Variants in UBE2E2 observed in about 807,000 individuals in gnomAD.
The protein encoded by UBE2E2 is ubiquitin-conjugating enzyme E2 E2.
UBE2E2 carries 6 observed loss-of-function variants against 24.7 expected under a neutral mutation model. The ratio of observed to expected loss-of-function variants is 0.24; its 90% confidence interval spans 0.13 to 0.48. The LOEUF (loss-of-function observed/expected upper bound fraction) is 0.48. UBE2E2 is among the 20% of genes least tolerant of loss of function. The pLI, the probability that UBE2E2 is intolerant of heterozygous loss-of-function variation, is 0.99. For missense variants in UBE2E2, 169 were observed against 245.0 expected (o/e 0.69, Z 2.07); for synonymous variants, 104 against 83.6 (o/e 1.24, Z -1.33).
chr3:23,210,893 A>T (rs1367520288), intron 2 of UBE2E2, among the ~76,000 whole-genome samples: 1 of 152,190 alleles, frequency 6.6e-6, no homozygotes, highest in Non-Finnish European at 1.5e-5. Context: ...GTAATTATGT[A>T]CTATTTATTT....
chr3:23,413,521 CTAA>C (rs1424169320), intron 3 of UBE2E2, among the ~76,000 whole-genome samples: 1 of 152,148 alleles, frequency 6.6e-6, no homozygotes, highest in East Asian at 1.9e-4. Flanking sequence ...CCTTCAGCTT[CTAA>C]TGTTTTTTCT....
At chr3:23,524,873 C>A (rs78997374) in intron 4 of UBE2E2, among the ~76,000 whole-genome samples, 24,931 of 147,470 alleles carry the variant, frequency 0.17, 2,153 homozygotes, top group East Asian at 0.22. Context: ...CAGACACACA[C>A]ACACACACAC....
intron 3 of UBE2E2, among the ~76,000 whole-genome samples, chr3:23,251,070 G>A (rs976014942): frequency 9.9e-5 from 15 of 152,100 alleles, no homozygotes; most frequent in African/African-American, 3.1e-4. Flanking sequence ...TGTTGCCCAC[G>A]CTGGTCTCAA....
chr3:23,316,839 G>T (rs898468621), intron 3 of UBE2E2, among the ~76,000 whole-genome samples: 1 of 151,986 alleles, frequency 6.6e-6, no homozygotes, highest in African/African-American at 2.4e-5. Context: ...ACAGGACTGG[G>T]TGCTTCTCTT....
rs1698606329 is a variant in UBE2E2 at position 23,285,948 on chromosome 3, CG to C, written c.227+68638del. Among the ~76,000 whole-genome samples, 6 of 152,318 alleles carry C rather than the reference CG, an allele frequency of 3.9e-5. No individual in the cohort carries two copies. The South Asian group carries it at 1.2e-3, about 32-fold the overall frequency. Reference sequence around the variant, plus strand: ...TTGACTTCAAGTGATCTGCCCACCTCGGCCTCCCAAAGTGCTGGGATTACAG... The same window carrying C: ...TTGACTTCAAGTGATCTGCCCACCTCGCCTCCCAAAGTGCTGGGATTACAG... On this transcript the variant is annotated intron_variant, in intron 3 of 5. Coordinates refer to ENST00000396703, the MANE Select transcript of UBE2E2 (RefSeq NM_152653.4).
At chr3:23,354,176 C>G (rs1575581519) in intron 3 of UBE2E2, among the ~76,000 whole-genome samples, 1 of 152,006 alleles carries the variant, frequency 6.6e-6, no homozygotes, top group African/African-American at 2.4e-5. Context: ...GGAAAACTGG[C>G]TAGCCATATG....
intron 3 of UBE2E2, among the ~76,000 whole-genome samples, chr3:23,319,350 A>G (rs1205157280): frequency 6.6e-6 from 1 of 152,198 alleles, no homozygotes; most frequent in African/African-American, 2.4e-5. Flanking sequence ...GTTATAGGTG[A>G]ACAAAATCTC....
chr3:23,579,711 A>G (rs1018969708), intron 5 of UBE2E2, among the ~76,000 whole-genome samples: 5 of 152,122 alleles, frequency 3.3e-5, no homozygotes, highest in African/African-American at 9.7e-5. Context: ...TAAAAAAAAA[A>G]GAAAAAAGAA....
At chr3:23,219,552 G>A (rs1297367725) in intron 3 of UBE2E2, among the ~76,000 whole-genome samples, 1 of 152,172 alleles carries the variant, frequency 6.6e-6, no homozygotes, top group Admixed American at 6.6e-5. Flanking sequence ...GTTCTGCACT[G>A]CCTGCATTGG....
chr3:23,523,825 A>AT (rs5847238), intron 4 of UBE2E2, among the ~76,000 whole-genome samples: 76,742 of 147,992 alleles, frequency 0.52, 22,175 homozygotes, highest in African/African-American at 0.81. Flanking sequence ...CAAAGAGGGG[A>AT]TTTTTTTTTT....
At chr3:23,541,137 A>G (rs780673874) in intron 5 of UBE2E2, among the ~76,000 whole-genome samples, 2 of 152,228 alleles carry the variant, frequency 1.3e-5, no homozygotes, top group Non-Finnish European at 2.9e-5. Flanking sequence ...TGAATACTTA[A>G]GATTGTACAG....
intron 3 of UBE2E2, among the ~76,000 whole-genome samples, chr3:23,303,880 C>T (rs1216076926): frequency 2.6e-5 from 4 of 152,132 alleles, no homozygotes; most frequent in African/African-American, 9.7e-5. Flanking sequence ...AGGAATTATA[C>T]CGTTAACCCT....
chr3:23,470,127 C>T (rs1699002994), intron 3 of UBE2E2, among the ~76,000 whole-genome samples: 2 of 152,170 alleles, frequency 1.3e-5, no homozygotes, highest in African/African-American at 4.8e-5. Flanking sequence ...ATGGAGGCCG[C>T]AATTAATACA....
At chr3:23,226,535 C>G (rs149380847) in intron 3 of UBE2E2, among the ~76,000 whole-genome samples, 1 of 151,706 alleles carries the variant, frequency 6.6e-6, no homozygotes, top group Admixed American at 6.6e-5. Flanking sequence ...CCACTGCGCC[C>G]GGCCAGGAAA....
At chr3:23,310,131 T>C (rs1207186494) in intron 3 of UBE2E2, among the ~76,000 whole-genome samples, 3 of 152,130 alleles carry the variant, frequency 2.0e-5, no homozygotes, top group African/African-American at 7.2e-5. Flanking sequence ...TATTTAAAAA[T>C]CACCACAATA....
chr3:23,532,744 T>C, intron 5 of UBE2E2, 43 bp downstream of exon 5: 1 of 1,465,768 alleles, frequency 6.8e-7, no homozygotes, highest in Non-Finnish European at 9.2e-7. Flanking sequence ...CTTGTCAAGA[T>C]TTAAATGTCA....
chr3:23,449,843 A>AT (rs1698524043), intron 3 of UBE2E2: 1 of 985,180 alleles, frequency 1.0e-6, no homozygotes, highest in Admixed American at 6.1e-5. Context: ...GAAATTTCCC[A>AT]TTTTTCACTG....
At chr3:23,215,570 CT>C (rs1281757479) in intron 2 of UBE2E2, among the ~76,000 whole-genome samples, 3 of 152,248 alleles carry the variant, frequency 2.0e-5, no homozygotes, top group Admixed American at 6.5e-5. Context: ...TTACTTCCCC[CT>C]ATGCCCCTTT....
intron 5 of UBE2E2, among the ~76,000 whole-genome samples, chr3:23,584,726 GTTTT>G (rs1158915900): frequency 8.8e-6 from 1 of 113,500 alleles, no homozygotes; most frequent in African/African-American, 3.7e-5. Context: ...GCTGTTTTTT[GTTTT>G]TTTTTTTTTT....
Sources: gnomAD v4.1 joint callset for allele counts (sites outside exome capture counted in the v4.1 genomes callset) on GRCh38, gnomAD v4.1.1 for gene constraint, MANE v1.5 for transcripts, NCBI Gene and HGNC (gene_info 2026-07-23, HGNC 2026-07-21) for gene names.